Variants in SH3YL1 observed in about 807,000 individuals in gnomAD.
SH3YL1 encodes the protein SH3 domain-containing YSC84-like protein 1.
In SH3YL1, 41 loss-of-function variants were observed where a neutral mutation model predicts 45.8. The ratio of observed to expected loss-of-function variants is 0.89; its 90% CI spans 0.70 to 1.16. The LOEUF (loss-of-function observed/expected upper bound fraction) is 1.16. Among genes scored for constraint, SH3YL1 ranks in the 50% most tolerant of loss-of-function variants. SH3YL1 has a pLI of 0.00. For missense variants in SH3YL1, 389 were observed against 409.6 expected, an observed-to-expected ratio of 0.95 and a Z score of 0.43; for synonymous variants, 152 against 151.4, an observed-to-expected ratio of 1.00 and a Z score of -0.03.
chr2:248,286 G>C (rs1009525143), intron 3 of SH3YL1, among the ~76,000 whole-genome samples: 2 of 152,024 alleles, frequency 1.3e-5, no homozygotes, highest in Non-Finnish European at 2.9e-5. Context: ...TTTGGTGGGG[G>C]GATGGTCTGG....
rs565893392 is a variant in SH3YL1, at chr2:221,497, G to C, written c.839-2496C>G. 8.8e-4 allele frequency among the ~76,000 whole-genome samples: 134 copies of C among 152,292 alleles called. 2 individuals are homozygous for C. The highest frequency in any genetic ancestry group is 3.1e-3 in the African/African-American group (130 of 41,558). On this transcript the variant is annotated intron_variant, in intron 9 of 9. Transcript: ENST00000356150. The stretch of plus-strand genomic sequence containing the variant: ...GTCCCTGCCCTCACAATCAGGTGTT[G>C]GTCTAATTTTCTCTGAATTGCAGAT...
chr2:251,109 AATT>A (rs1669055997), intron 2 of SH3YL1, among the ~76,000 whole-genome samples: 1 of 152,202 alleles, frequency 6.6e-6, no homozygotes, highest in Non-Finnish European at 1.5e-5. Context: ...TCCACATGTC[AATT>A]ATATTTTTAC....
chr2:249,898 T>TAGAC, intron 2 of SH3YL1, 54 bp from the exon 3 acceptor site: 1 of 1,237,984 alleles, frequency 8.1e-7, no homozygotes, highest in Admixed American at 2.0e-5. Context: ...TGTGCCTGGA[T>TAGAC]AGACGAGCAA....
chr2:248,499 G>A (rs1258478419), intron 3 of SH3YL1, among the ~76,000 whole-genome samples: 1 of 152,192 alleles, frequency 6.6e-6, no homozygotes, highest in Non-Finnish European at 1.5e-5. Context: ...AACATGTTGT[G>A]TCTTATTTGG....
chr2:249,603 G>A (rs984531876), intron 3 of SH3YL1, 128 bp downstream of exon 3: 12 of 670,002 alleles, frequency 1.8e-5, no homozygotes, highest in Non-Finnish European at 3.1e-5. Context: ...CAGTCGAGTA[G>A]CCCTTATTAC....
intron 7 of SH3YL1, 179 bp downstream of exon 7, chr2:230,844 T>C: frequency 1.6e-6 from 1 of 610,928 alleles, no homozygotes. Flanking sequence ...AATTATGTTT[T>C]TCCCTGAAAT....
At chr2:238,884 C>T (rs1279624020) in intron 4 of SH3YL1, among the ~76,000 whole-genome samples, 1 of 152,192 alleles carries the variant, frequency 6.6e-6, no homozygotes, top group Non-Finnish European at 1.5e-5. Flanking sequence ...CTAATTTAGA[C>T]AATTATTCAG....
chr2:250,967 G>A (rs1669048492), intron 2 of SH3YL1, among the ~76,000 whole-genome samples: 1 of 152,140 alleles, frequency 6.6e-6, no homozygotes, highest in African/African-American at 2.4e-5. Context: ...TATATGTTGT[G>A]CAGATTTATT....
At chr2:225,588 G>A (rs1667758016) in intron 8 of SH3YL1, among the ~76,000 whole-genome samples, 1 of 152,238 alleles carries the variant, frequency 6.6e-6, no homozygotes, top group South Asian at 2.1e-4. Flanking sequence ...AGACATTTAT[G>A]AAAGTCAGAA....
intron 4 of SH3YL1, among the ~76,000 whole-genome samples, chr2:236,940 C>T (rs1308252277): frequency 6.6e-6 from 1 of 152,170 alleles, no homozygotes; most frequent in Non-Finnish European, 1.5e-5. Context: ...CTGACCCACA[C>T]AAGATGCTTC....
At chr2:229,798 G>T in intron 8 of SH3YL1, 168 bp downstream of exon 8, 136 of 359,458 alleles carry the variant, frequency 3.8e-4, no homozygotes, top group Middle Eastern at 2.8e-3. Flanking sequence ...TTATAGCAAT[G>T]ACAATTTGTC....
At chr2:263,913 C>T (rs1669717711) in intron 1 of SH3YL1, 71 bp downstream of exon 1, 1 of 1,339,770 alleles carries the variant, frequency 7.5e-7, no homozygotes, top group East Asian at 2.7e-5. Flanking sequence ...TTCCCGTCCT[C>T]CTCCTCCCAC....
chr2:264,094 T>C (rs1669733892), upstream of SH3YL1: 2 of 1,331,502 alleles, frequency 1.5e-6, no homozygotes, highest in South Asian at 1.8e-5. Flanking sequence ...CTGCGGCAGG[T>C]GACGAAGGAG....
intron 4 of SH3YL1, chr2:242,881 A>G: frequency 6.8e-7 from 1 of 1,463,260 alleles, no homozygotes. Context: ...TCTTTATATC[A>G]AACAACAAAA....
intron 9 of SH3YL1, among the ~76,000 whole-genome samples, chr2:221,879 G>GT (rs1358091438): frequency 6.6e-6 from 1 of 152,064 alleles, no homozygotes; most frequent in Non-Finnish European, 1.5e-5. Context: ...TGCCCTGTTA[G>GT]TTTTTTTCTT....
chr2:249,702 T>C, intron 3 of SH3YL1, 29 bp downstream of exon 3: 2 of 1,441,044 alleles, frequency 1.4e-6, no homozygotes, highest in Non-Finnish European at 9.6e-7. Context: ...ATGAAGACTC[T>C]CTACTCCAGT....
At chr2:245,399 C>T (rs1465632175) in intron 4 of SH3YL1, among the ~76,000 whole-genome samples, 1 of 152,118 alleles carries the variant, frequency 6.6e-6, no homozygotes, top group Admixed American at 6.5e-5. Context: ...TAAAAAGTTT[C>T]TGTAAATGGC....
At chr2:220,209 T>G (rs909941919) in intron 9 of SH3YL1, among the ~76,000 whole-genome samples, 3 of 150,234 alleles carry the variant, frequency 2.0e-5, no homozygotes, top group Non-Finnish European at 4.4e-5. Context: ...ATAATAATAA[T>G]AATAAAGTGA....
At chr2:253,348 C>CTCA (rs1669159412) in intron 1 of SH3YL1, among the ~76,000 whole-genome samples, 1 of 152,148 alleles carries the variant, frequency 6.6e-6, no homozygotes, top group Non-Finnish European at 1.5e-5. Context: ...ATACAGGTAA[C>CTCA]GAAGACCTTG....
Sources: gnomAD v4.1 joint callset for allele counts (sites outside exome capture counted in the v4.1 genomes callset) on GRCh38, gnomAD v4.1.1 for gene constraint, MANE v1.5 for transcripts, NCBI Gene and HGNC (gene_info 2026-07-23, HGNC 2026-07-21) for gene names.